The following NRXN3 variants were observed in gnomAD, a reference collection of about 807,000 sequenced individuals.
NRXN3 encodes the protein neurexin 3, also known as neurexin III.
A neutral mutation model predicts 137.6 loss-of-function variants in NRXN3; 32 were observed. That is an observed-to-expected ratio of 0.23 (90% confidence interval 0.18 to 0.31). The LOEUF is 0.31. Among genes scored for constraint, NRXN3 ranks in the 10% least tolerant of loss-of-function variants. NRXN3 has a pLI of 1.00. For missense variants in NRXN3, 1,574 were observed against 2,062.5 expected (o/e 0.76, Z 4.59); for synonymous variants, 798 against 784.5 (o/e 1.02, Z -0.29).
At chr14:78,680,393 G>A (rs1334382654) in intron 6 of NRXN3, among the ~76,000 whole-genome samples, 1 of 152,060 alleles carries the variant, frequency 6.6e-6, no homozygotes, top group Non-Finnish European at 1.5e-5. Flanking sequence ...ATAAAGAAAA[G>A]AAGCACCTTT....
intron 15 of NRXN3, among the ~76,000 whole-genome samples, chr14:79,168,915 C>G (rs1157462471): frequency 6.6e-6 from 1 of 152,026 alleles, no homozygotes; most frequent in African/African-American, 2.4e-5. Flanking sequence ...ACAAATTCCT[C>G]CAAGTTAAGG....
chr14:78,195,800 A>T (rs1368997153), intron 1 of NRXN3, among the ~76,000 whole-genome samples: 1 of 152,214 alleles, frequency 6.6e-6, no homozygotes, highest in Non-Finnish European at 1.5e-5. Flanking sequence ...GTCCAAACCC[A>T]TGGTTTTTCT....
chr14:78,946,342 A>T (rs1438634976), intron 10 of NRXN3, among the ~76,000 whole-genome samples: 1 of 152,166 alleles, frequency 6.6e-6, no homozygotes, highest in African/African-American at 2.4e-5. Flanking sequence ...GAAGAATGTG[A>T]AGAGGAACAG....
At chr14:79,729,693 G>T (rs767847040) in intron 19 of NRXN3, among the ~76,000 whole-genome samples, 4 of 152,088 alleles carry the variant, frequency 2.6e-5, no homozygotes, top group Admixed American at 6.6e-5. Flanking sequence ...ACAACTCTAG[G>T]CTCCTCCTCC....
At chr14:79,686,510 C>T (rs1207620066) in intron 17 of NRXN3, among the ~76,000 whole-genome samples, 1 of 152,094 alleles carries the variant, frequency 6.6e-6, no homozygotes, top group Non-Finnish European at 1.5e-5. Flanking sequence ...AACTCCCAAC[C>T]TCTTTTGATT....
intron 4 of NRXN3, among the ~76,000 whole-genome samples, chr14:78,352,758 T>A (rs752081691): frequency 6.6e-6 from 1 of 152,230 alleles, no homozygotes; most frequent in African/African-American, 2.4e-5. Flanking sequence ...TTGTGGCACC[T>A]GAGACCTAGA....
chr14:78,716,472 T>C (rs538604889), intron 8 of NRXN3, among the ~76,000 whole-genome samples: 1 of 152,324 alleles, frequency 6.6e-6, no homozygotes, highest in East Asian at 1.9e-4. Flanking sequence ...GAGACATCTA[T>C]ATAATAAGCT....
At chr14:79,025,660 T>C (rs759191279) in intron 15 of NRXN3, among the ~76,000 whole-genome samples, 7 of 152,196 alleles carry the variant, frequency 4.6e-5, no homozygotes, top group Non-Finnish European at 1.0e-4. Flanking sequence ...CCTTTTTATA[T>C]AGTCTTTCAA....
chr14:78,316,263 C>T (rs1180652697), intron 4 of NRXN3, among the ~76,000 whole-genome samples: 3 of 151,800 alleles, frequency 2.0e-5, no homozygotes, highest in South Asian at 4.2e-4. Flanking sequence ...AATATGGTGA[C>T]AGGAGGGAGT....
At chr14:79,129,156 GT>G (rs1014443105) in intron 15 of NRXN3, among the ~76,000 whole-genome samples, 4 of 151,982 alleles carry the variant, frequency 2.6e-5, no homozygotes, top group Non-Finnish European at 4.4e-5. Context: ...TTTTTGGAGG[GT>G]TTTTTGTGTC....
intron 10 of NRXN3, among the ~76,000 whole-genome samples, chr14:78,911,665 T>C (rs2099238109): frequency 6.6e-6 from 1 of 152,166 alleles, no homozygotes; most frequent in Non-Finnish European, 1.5e-5. Flanking sequence ...TTTGAAAGCA[T>C]GTTATTTTCT....
intron 10 of NRXN3, among the ~76,000 whole-genome samples, chr14:78,918,024 G>A (rs889129886): frequency 2.8e-5 from 4 of 144,140 alleles, no homozygotes; most frequent in Non-Finnish European, 4.5e-5. Context: ...GGTAGCTCAC[G>A]CCTGTAATCC....
At chr14:78,304,158 A>G (rs551574916) in intron 4 of NRXN3, among the ~76,000 whole-genome samples, 1 of 152,280 alleles carries the variant, frequency 6.6e-6, no homozygotes, top group African/African-American at 2.4e-5. Flanking sequence ...CCAATGGGTC[A>G]TGAAGTAAGA....
At chr14:78,579,871 A>C (rs1312012186) in intron 4 of NRXN3, among the ~76,000 whole-genome samples, 1 of 152,168 alleles carries the variant, frequency 6.6e-6, no homozygotes, top group Non-Finnish European at 1.5e-5. Context: ...GTTTGTCAAA[A>C]AGTTATTTAA....
At chr14:79,466,865 G>A (rs1449834040) in intron 15 of NRXN3, among the ~76,000 whole-genome samples, 1 of 152,132 alleles carries the variant, frequency 6.6e-6, no homozygotes, top group Non-Finnish European at 1.5e-5. Flanking sequence ...TCCTGGCCAA[G>A]ATGCAAAATT....
At position 78,806,509 on chromosome 14, in the gene NRXN3, G is replaced by A. The variant is rs149137753; in HGVS notation, c.2248+2686G>A. Among the ~76,000 whole-genome samples, 35 of 152,232 alleles carry A rather than the reference G, an allele frequency of 2.3e-4. 1 individual carries two copies. In the East Asian group the frequency reaches 6.2e-3, roughly 27 times the overall value. ...TTTGCTCCCTCACTCTATTCAAGTT[G>A]TGTCTTTTTTCTAGCCCATGCACTA... On this transcript the variant is annotated intron_variant, in intron 9 of 20. Coordinates refer to ENST00000335750, the MANE Select transcript of NRXN3 (RefSeq NM_001330195.2).
intron 16 of NRXN3, among the ~76,000 whole-genome samples, chr14:79,622,810 A>G (rs2153903178): frequency 6.6e-6 from 1 of 152,130 alleles, no homozygotes; most frequent in East Asian, 1.9e-4. Flanking sequence ...GTTAGCCAGG[A>G]TGGTCTCGAT....
intron 15 of NRXN3, among the ~76,000 whole-genome samples, chr14:79,071,445 C>T (rs1156464925): frequency 1.3e-5 from 2 of 152,268 alleles, no homozygotes; most frequent in East Asian, 1.9e-4. Context: ...CATGTGTTCT[C>T]ATTGAGAAAC....
chr14:79,607,968 C>T (rs1449794518), intron 16 of NRXN3, among the ~76,000 whole-genome samples: 1 of 152,118 alleles, frequency 6.6e-6, no homozygotes, highest in African/African-American at 2.4e-5. Flanking sequence ...CACCACCGTG[C>T]CTGGCCATCA....
Sources: allele counts gnomAD v4.1 joint callset (sites outside exome capture counted in the v4.1 genomes callset), GRCh38; gene constraint gnomAD v4.1.1; transcripts MANE v1.5; gene names NCBI Gene and HGNC (gene_info 2026-07-23, HGNC 2026-07-21).